Variants in KLRD1 observed in about 807,000 individuals in gnomAD.
The protein encoded by KLRD1 is natural killer cells antigen CD94.
KLRD1 carries 21 observed loss-of-function variants against 22.6 expected under a neutral mutation model. The ratio of observed to expected loss-of-function variants is 0.93; its 90% CI spans 0.66 to 1.34. The LOEUF (loss-of-function observed/expected upper bound fraction) is 1.34. Ranked by LOEUF, KLRD1 falls within the 40% of genes most tolerant of loss-of-function variation. The pLI, the probability that KLRD1 is intolerant of heterozygous loss-of-function variation, is 0.00. For missense variants in KLRD1, 183 were observed against 208.6 expected (o/e 0.88, Z 0.76); for synonymous variants, 59 against 71.1 (o/e 0.83, Z 0.85).
chr12:10,261,960 A>G (rs527321545), intron 1 of KLRD1, among the ~76,000 whole-genome samples: 16 of 152,196 alleles, frequency 1.1e-4, no homozygotes, highest in African/African-American at 2.6e-4. Flanking sequence ...TTCTGTGTCT[A>G]TGTGATGTTT....
In KLRD1 at chr12:10,320,258, A is replaced by G. The variant is rs1365317582; in HGVS notation, c.*5465A>G. 1 of 37,586 alleles carries G rather than the reference A, an allele frequency of 2.7e-5. No homozygotes were observed. Among genetic ancestry groups the G allele is most frequent in the African/African-American group, 4.2e-5 (1 of 24,084 alleles). The allele number at this position is 37,586 out of a possible 1,614,324, so 2.3% of individuals were successfully genotyped here. ...TGGTACCAAGAATGAAGTTACTATT[A>G]TAAAGAAAAAAAAAAACCACTAAAA... On this transcript the variant is annotated 3_prime_UTR_variant, in exon 6 of 6. Coordinates refer to ENST00000336164, the MANE Select transcript of KLRD1 (RefSeq NM_002262.5).
chr12:10,249,094 T>C (rs1949321577), intron 1 of KLRD1, among the ~76,000 whole-genome samples: 1 of 152,178 alleles, frequency 6.6e-6, no homozygotes. Flanking sequence ...CGACGGATAA[T>C]GTGTCCTCTA....
At chr12:10,254,485 C>A (rs1410383721) in intron 1 of KLRD1, among the ~76,000 whole-genome samples, 1 of 147,296 alleles carries the variant, frequency 6.8e-6, no homozygotes, top group Non-Finnish European at 1.5e-5. Context: ...AATGTACAGA[C>A]TGGGAGAAAA....
intron 1 of KLRD1, among the ~76,000 whole-genome samples, chr12:10,268,437 A>G (rs1261712086): frequency 6.6e-6 from 1 of 152,242 alleles, no homozygotes; most frequent in Non-Finnish European, 1.5e-5. Flanking sequence ...GAAATGTCAA[A>G]TAAGAGGCTT....
intron 1 of KLRD1, among the ~76,000 whole-genome samples, chr12:10,289,823 G>A (rs1007475696): frequency 1.3e-5 from 2 of 152,174 alleles, no homozygotes; most frequent in Admixed American, 6.5e-5. Context: ...TTGTTGCCCA[G>A]GCTGGAGTGC....
chr12:10,281,454 C>T (rs765285897), intron 1 of KLRD1, among the ~76,000 whole-genome samples: 40 of 152,036 alleles, frequency 2.6e-4, no homozygotes, highest in African/African-American at 3.4e-4. Flanking sequence ...TGGGATATAG[C>T]GCTCTAACAG....
At chr12:10,296,742 T>C (rs980051600) in intron 1 of KLRD1, among the ~76,000 whole-genome samples, 1 of 152,166 alleles carries the variant, frequency 6.6e-6, no homozygotes, top group African/African-American at 2.4e-5. Context: ...TTTGGAGATG[T>C]GGAGTTGAAC....
Position 10,315,170 on chromosome 12 carries a change from C to T in KLRD1, c.*377C>T. On this transcript the variant is annotated 3_prime_UTR_variant, in exon 6 of 6. Coordinates refer to ENST00000336164, the MANE Select transcript of KLRD1 (RefSeq NM_002262.5). ...TTTAGAAAATAAAATTTAACTCACA[C>T]TGCCCAGGCTGGAGCATAGTGGCAA... is the stretch of plus-strand genomic sequence containing the variant. 2 of 280,912 alleles carry T rather than the reference C, an allele frequency of 7.1e-6. No homozygotes were observed. Among genetic ancestry groups the T allele is most frequent in the Non-Finnish European group, 1.4e-5 (2 of 146,898 alleles). The allele number at this position is 280,912 out of a possible 1,614,324, so 17.4% of individuals were successfully genotyped here.
At chr12:10,247,959 C>T (rs1416188132) in intron 1 of KLRD1, among the ~76,000 whole-genome samples, 5 of 152,110 alleles carry the variant, frequency 3.3e-5, no homozygotes, top group Non-Finnish European at 5.9e-5. Flanking sequence ...AGCATGAGTA[C>T]GGACTAATAC....
chr12:10,304,326 C>T (rs1354121517), upstream of KLRD1: 3 of 152,128 alleles, frequency 2.0e-5, no homozygotes, highest in Non-Finnish European at 2.9e-5. Context: ...GACACATCTC[C>T]ATTTTATACT....
chr12:10,264,572 C>T lies in KLRD1; in HGVS notation c.-101+38339C>T, dbSNP rs556706213. Among the ~76,000 whole-genome samples, 10 of 152,012 alleles carry T rather than the reference C, an allele frequency of 6.6e-5. No individual in the cohort carries two copies. The East Asian group carries it at 1.9e-3, about 29-fold the overall frequency. On this transcript the variant is annotated intron_variant, in intron 1 of 5. Coordinates refer to the KLRD1 transcript ENST00000544747. The stretch of plus-strand genomic sequence containing the variant: ...TCCAGCTTTATTTAAGTATGACTGA[C>T]AACAATTGTGTATATTTAGGGTGTA...
At chr12:10,239,521 T>TTCTTTCTTTCTTTC (rs1565443317) in intron 1 of KLRD1, among the ~76,000 whole-genome samples, 1 of 20,202 alleles carries the variant, frequency 4.9e-5, no homozygotes, top group African/African-American at 1.7e-4. Context: ...TCCCTCCCCT[T>TTCTTTCTTTCTTTC]TCTTTCTTTC....
Position 10,325,437 on chromosome 12 carries a change from A to G in KLRD1, c.*10644A>G, listed in dbSNP as rs1245833988. 2.0e-5 allele frequency: 3 copies of G among 152,302 alleles called. No homozygotes were observed. The highest frequency in any genetic ancestry group is 4.1e-4 in the South Asian group (2 of 4,828). The allele number at this position is 152,302 out of a possible 1,614,324, so 9.4% of individuals were successfully genotyped here. A position where few individuals can be genotyped will look rare whatever the true frequency, so the allele number is the denominator to read the frequency against. On this transcript the variant is annotated 3_prime_UTR_variant, in exon 6 of 6. Transcript: ENST00000336164. ...AGTCTACAGTACAGTATTATTAACA[A>G]TAGGTACAATGTTGTATAGTAGATC...
At chr12:10,239,465 C>CCTTATT (rs1555098465) in intron 1 of KLRD1, among the ~76,000 whole-genome samples, 32 of 41,476 alleles carry the variant, frequency 7.7e-4, no homozygotes, top group African/African-American at 2.7e-3. Context: ...TTCCTTCCTT[C>CCTTATT]CTTCCTTCCT....
At position 10,243,631 on chromosome 12, in the gene KLRD1, A is replaced by AAAAAAAAAAAAAAG. The variant is rs771543645; in HGVS notation, c.-101+17400_-101+17401insAAAAAAAAAAAGAA. 3.1e-4 allele frequency among the ~76,000 whole-genome samples: 37 copies of AAAAAAAAAAAAAAG among 118,776 alleles called. 5 individuals are homozygous for AAAAAAAAAAAAAAG. The highest frequency in any genetic ancestry group is 9.1e-4 in the African/African-American group (22 of 24,116). The allele number at this position is 118,776 out of a possible 152,430, so 77.9% of individuals were successfully genotyped here. On this transcript the variant is annotated intron_variant, in intron 1 of 5. Transcript: ENST00000544747. ...CCAAAAAAAAAAAAAAAAAAAAAAA[A>AAAAAAAAAAAAAAG]AACCGAAATGAAAGATATGGAACAA...
intron 1 of KLRD1, among the ~76,000 whole-genome samples, chr12:10,268,917 T>G (rs1399851589): frequency 6.6e-6 from 1 of 152,228 alleles, no homozygotes; most frequent in Non-Finnish European, 1.5e-5. Context: ...AATTTTATCA[T>G]TATAACAGTG....
chr12:10,278,138 C>T (rs1949608324), intron 1 of KLRD1, among the ~76,000 whole-genome samples: 1 of 152,208 alleles, frequency 6.6e-6, no homozygotes, highest in South Asian at 2.1e-4. Context: ...CCACATTGCA[C>T]AGGGTATTGC....
intron 1 of KLRD1, among the ~76,000 whole-genome samples, chr12:10,263,683 G>T (rs1214951360): frequency 6.6e-6 from 1 of 151,996 alleles, no homozygotes; most frequent in Non-Finnish European, 1.5e-5. Flanking sequence ...ACAAACTCAT[G>T]TCCCCATGAT....
At chr12:10,257,139 C>CTTTTTTTTTTTT (rs55950006) in intron 1 of KLRD1, among the ~76,000 whole-genome samples, 17 of 130,266 alleles carry the variant, frequency 1.3e-4, no homozygotes, top group African/African-American at 3.7e-4. Flanking sequence ...CTTTTCTTTT[C>CTTTTTTTTTTTT]TTTTTTTTTT....
Sources: gnomAD v4.1 joint callset for allele counts (sites outside exome capture counted in the v4.1 genomes callset) on GRCh38, gnomAD v4.1.1 for gene constraint, MANE v1.5 for transcripts, NCBI Gene and HGNC (gene_info 2026-07-23, HGNC 2026-07-21) for gene names.